OBI1: variants seen among roughly 807,000 people sequenced by gnomAD.
OBI1 encodes ORC ubiquitin ligase 1, also known as ring finger protein 219.
OBI1 carries 59 observed loss-of-function variants against 62.4 expected under a neutral mutation model. The observed-to-expected ratio is 0.95, with a 90% confidence interval of 0.77 to 1.17. The LOEUF is 1.17. Ranked by LOEUF, OBI1 falls within the 50% of genes most tolerant of loss-of-function variation. OBI1 has a pLI of 0.00. For missense variants in OBI1, 875 were observed against 830.9 expected (o/e 1.05, Z -0.65); for synonymous variants, 302 against 292.8 (o/e 1.03, Z -0.32).
At chr13:78,652,289 T>C (rs965003638) in intron 1 of OBI1, among the ~76,000 whole-genome samples, 4 of 152,106 alleles carry the variant, frequency 2.6e-5, no homozygotes, top group African/African-American at 9.7e-5. Flanking sequence ...TTGACTGTAA[T>C]CTGTGGTAGC....
At chr13:78,629,026 C>T (rs144993897) in intron 5 of OBI1, among the ~76,000 whole-genome samples, 3 of 151,998 alleles carry the variant, frequency 2.0e-5, no homozygotes, top group Non-Finnish European at 4.4e-5. Flanking sequence ...ACAAATAGAG[C>T]AAAAAAGGAA....
chr13:78,641,440 G>C (rs913842599), intron 3 of OBI1, among the ~76,000 whole-genome samples: 2 of 152,100 alleles, frequency 1.3e-5, no homozygotes, highest in African/African-American at 4.8e-5. Context: ...AAGATATTTT[G>C]AGTCAAGAGG....
intron 5 of OBI1, among the ~76,000 whole-genome samples, chr13:78,627,949 T>C (rs1440654752): frequency 6.6e-6 from 1 of 152,206 alleles, no homozygotes; most frequent in Non-Finnish European, 1.5e-5. Flanking sequence ...TATCTTCAGA[T>C]ACTGGGGGCT....
At position 78,615,940 on chromosome 13, in the gene OBI1, C is replaced by A. The variant is rs1053820980; in HGVS notation, c.1821G>T (p.Trp607Cys). ...TNDQLENGSE[W>C]KPTSFFLLSP... The stretch of plus-strand genomic sequence containing the variant: ...AGAGGAGAAAAAAAGAAGTGGGTTT[C>A]CATTCACTTCCATTTTCTAACTGAT... Residue 607 changes from tryptophan to cysteine, a missense_variant, in exon 6 of 6, where the codon TGG (tryptophan) becomes TGT (cysteine). Coordinates refer to ENST00000282003, the MANE Select transcript of OBI1 (RefSeq NM_024546.4). 6.2e-7 allele frequency: 1 copy of A among 1,613,546 alleles called. No individual in the cohort carries two copies. The highest frequency in any genetic ancestry group is 1.3e-5 in the African/African-American group (1 of 74,938).
At chr13:78,641,103 G>T (rs954474596) in intron 3 of OBI1, among the ~76,000 whole-genome samples, 1 of 152,082 alleles carries the variant, frequency 6.6e-6, no homozygotes, top group Non-Finnish European at 1.5e-5. Context: ...ACCTTAAATT[G>T]AGGTTGTTAA....
intron 5 of OBI1, among the ~76,000 whole-genome samples, chr13:78,622,871 C>T (rs1875554409): frequency 6.6e-6 from 1 of 152,094 alleles, no homozygotes; most frequent in Non-Finnish European, 1.5e-5. Context: ...GAAAAGCGGA[C>T]AGGGAGGACC....
intron 1 of OBI1, among the ~76,000 whole-genome samples, chr13:78,654,080 A>C (rs1876626383): frequency 6.6e-6 from 1 of 151,388 alleles, no homozygotes; most frequent in African/African-American, 2.4e-5. Context: ...ATGCCTATAG[A>C]ACTGGTTCCC....
At position 78,616,856 on chromosome 13, in the gene OBI1, G is replaced by A; in HGVS notation, c.905C>T (p.Pro302Leu). 2 of 1,614,210 alleles carry A rather than the reference G, an allele frequency of 1.2e-6. No individual in the cohort carries two copies. Among genetic ancestry groups the A allele is most frequent in the Non-Finnish European group, 1.7e-6 (2 of 1,180,032 alleles). Residue 302 changes from proline (P) to leucine (L), a missense_variant, in exon 6 of 6, where the codon CCT becomes CTT. Physicochemically the swap from Pro to Leu is moderately conservative, Grantham distance 98. Transcript: ENST00000282003. The stretch of plus-strand genomic sequence containing the variant: ...AGAAGAACTGGAGGTGGATGAGCCA[G>A]GCTGCTTTCTGGCACTATCGCCTTG... ...KNQGDSARKQ[P>L]GSSTSSSSHL...
chr13:78,625,438 A>G (rs1020176431), intron 5 of OBI1, among the ~76,000 whole-genome samples: 1 of 152,174 alleles, frequency 6.6e-6, no homozygotes, highest in Non-Finnish European at 1.5e-5. Flanking sequence ...TGATCTAGAT[A>G]CCCTGTAATT....
rs1331467960 is a variant in OBI1, at chr13:78,614,386, TA to T, written c.*1193del. ...TTAATGTAAAATGTTCAGTGCACATTAAACAGCATACATACCCATTTTTAAA... is the reference window on the plus strand; with the variant it reads ...TTAATGTAAAATGTTCAGTGCACATTAACAGCATACATACCCATTTTTAAA... On this transcript the variant is annotated 3_prime_UTR_variant, in exon 6 of 6. Transcript: ENST00000282003. The T allele has an allele frequency of 1.3e-5, 2 of 152,620 alleles. No homozygotes were observed. Among genetic ancestry groups the T allele is most frequent in the African/African-American group, 2.4e-5 (1 of 41,460 alleles). The allele number at this position is 152,620 out of a possible 1,614,324, so 9.5% of individuals were successfully genotyped here.
At position 78,615,912 on chromosome 13, in the gene OBI1, G is replaced by A; in HGVS notation, c.1849C>T (p.Pro617Ser). The change falls in exon 6 of 6, where the codon CCA becomes TCA. Residue 617 changes from proline (P) to serine (S), a missense_variant. Physicochemically the swap from Pro to Ser is moderately conservative, Grantham distance 74. Transcript: ENST00000282003. ...WKPTSFFLLS[P>S]SDQEMNEDFS... ...TCTTCATTCATTTCTTGGTCAGATG[G>A]AGAGAGGAGAAAAAAAGAAGTGGGT... The A allele has an allele frequency of 1.2e-6, 2 of 1,613,966 alleles. No homozygotes were observed. Among genetic ancestry groups the A allele is most frequent in the Middle Eastern group, 3.3e-4 (2 of 6,060 alleles).
intron 5 of OBI1, among the ~76,000 whole-genome samples, chr13:78,623,364 A>G (rs1238127812): frequency 1.3e-5 from 2 of 151,946 alleles, no homozygotes; most frequent in African/African-American, 2.4e-5. Context: ...ACTGACTACT[A>G]TTGACAATGA....
At chr13:78,635,023 G>T in intron 5 of OBI1, 87 bp downstream of exon 5, 1 of 707,318 alleles carries the variant, frequency 1.4e-6, no homozygotes, top group South Asian at 2.0e-5. Flanking sequence ...ATTAAATGAA[G>T]AGTCAAACAA....
At position 78,616,544 on chromosome 13, in the gene OBI1, C is replaced by CT; in HGVS notation, c.1216dup (p.Arg406LysfsTer24). On this transcript the variant is annotated frameshift_variant, in exon 6 of 6. Coordinates refer to ENST00000282003, the MANE Select transcript of OBI1 (RefSeq NM_024546.4). LOFTEE classifies it high-confidence loss of function. ...TCCTGCTTGGACCACAGAGCTCTCT[C>CT]TATTTTCTGGAGTACTGAGCTGAAG... The CT allele has an allele frequency of 6.2e-7, 1 of 1,614,066 alleles. No individual in the cohort carries two copies. Among genetic ancestry groups the CT allele is most frequent in the Non-Finnish European group, 8.5e-7 (1 of 1,179,982 alleles).
intron 5 of OBI1, among the ~76,000 whole-genome samples, chr13:78,632,878 A>T (rs1375993730): frequency 1.3e-5 from 2 of 152,184 alleles, no homozygotes; most frequent in Admixed American, 6.5e-5. Context: ...AAGGGAACCA[A>T]TGGAAGTTAA....
At chr13:78,636,360 G>C (rs1198488833) in intron 4 of OBI1, among the ~76,000 whole-genome samples, 2 of 152,126 alleles carry the variant, frequency 1.3e-5, no homozygotes, top group Non-Finnish European at 2.9e-5. Context: ...CTGGGAAAGG[G>C]AAATTCTTTG....
intron 2 of OBI1, among the ~76,000 whole-genome samples, chr13:78,642,947 G>A (rs898452291): frequency 4.6e-5 from 7 of 151,610 alleles, no homozygotes; most frequent in South Asian, 2.1e-4. Context: ...GTCTTTTCAC[G>A]GATTCTAACA....
At chr13:78,622,868 G>T (rs539235238) in intron 5 of OBI1, among the ~76,000 whole-genome samples, 1 of 152,144 alleles carries the variant, frequency 6.6e-6, no homozygotes, top group Non-Finnish European at 1.5e-5. Flanking sequence ...TAGGAAAAGC[G>T]GACAGGGAGG....
At chr13:78,658,689 G>A (rs1261832438) in intron 1 of OBI1, among the ~76,000 whole-genome samples, 4 of 152,178 alleles carry the variant, frequency 2.6e-5, no homozygotes, top group Non-Finnish European at 4.4e-5. Flanking sequence ...TTCACTACAC[G>A]CCACGCGAGG....
Sources: allele counts gnomAD v4.1 joint callset (sites outside exome capture counted in the v4.1 genomes callset), GRCh38; gene constraint gnomAD v4.1.1; transcripts MANE v1.5; gene names NCBI Gene and HGNC (gene_info 2026-07-23, HGNC 2026-07-21).